Variants in CHD8 observed in about 807,000 individuals in gnomAD.
CHD8 encodes the protein ATP-dependent chromatin remodeler CHD8.
CHD8 carries 31 observed loss-of-function variants against 279.2 expected under a neutral mutation model. That is an observed-to-expected ratio of 0.11 (90% CI 0.08 to 0.15). The LOEUF is 0.15. Ranked by LOEUF, CHD8 falls within the 10% of genes least tolerant of loss-of-function variation. The pLI, the probability that CHD8 is intolerant of heterozygous loss-of-function variation, is 1.00. For missense variants in CHD8, 2,146 were observed against 3,230.5 expected, an observed-to-expected ratio of 0.66 and a Z score of 8.14; for synonymous variants, 1,081 against 1,139.6, an observed-to-expected ratio of 0.95 and a Z score of 1.04.
In CHD8 at chr14:21,393,336, A is replaced by C. The variant is rs1274422953; in HGVS notation, c.6320-82T>G. The C allele has an allele frequency of 1.4e-5, 22 of 1,552,832 alleles. No homozygotes were observed. The East Asian group carries it at 3.6e-4, about 25-fold the overall frequency. ...TAATGGTATTATATGGGCTTTGAAT[A>C]AAGGCCCAAAGAATGGCACTCTTTT... On this transcript the variant is annotated intron_variant, in intron 32 of 37. Coordinates refer to ENST00000646647, the MANE Select transcript of CHD8 (RefSeq NM_001170629.2).
chr14:21,443,855 C>CAAAAAAAA (rs369671712), intron 1 of CHD8, among the ~76,000 whole-genome samples: 1 of 47,218 alleles, frequency 2.1e-5, no homozygotes, highest in African/African-American at 8.0e-5. Context: ...GACTCCGTCT[C>CAAAAAAAA]AAAAAAAAAA....
chr14:21,450,408 A>G (rs1890228880), intron 1 of CHD8, among the ~76,000 whole-genome samples: 1 of 152,218 alleles, frequency 6.6e-6, no homozygotes, highest in Non-Finnish European at 1.5e-5. Context: ...TCCCCAAAGC[A>G]TGTAGTGGAA....
chr14:21,435,899 A>C (rs1394542202), intron 1 of CHD8, among the ~76,000 whole-genome samples: 5 of 152,230 alleles, frequency 3.3e-5, no homozygotes, highest in African/African-American at 1.2e-4. Context: ...GGATGGGATA[A>C]GATTTCCTAT....
At chr14:21,406,069 G>A (rs1888241332) in intron 14 of CHD8, among the ~76,000 whole-genome samples, 1 of 152,008 alleles carries the variant, frequency 6.6e-6, no homozygotes, top group Non-Finnish European at 1.5e-5. Flanking sequence ...AAATCCCTCT[G>A]ACATTAATGT....
chr14:21,396,031 C>T (rs1887767028), intron 27 of CHD8, 139 bp from the exon 28 acceptor site: 2 of 661,684 alleles, frequency 3.0e-6, no homozygotes, highest in South Asian at 3.6e-5. Flanking sequence ...AGGTCTCACT[C>T]TGTCGCCCAG....
rs778167566 is a variant in CHD8, at chr14:21,401,400, C to T, written c.4173+3G>A. ...TACTTCCTCCCTAAAAGAAGAAACT[C>T]ACCTTGCTGTTGAGCAGATCCATGT... On this transcript the variant is annotated splice_donor_region_variant and intron_variant, in intron 21 of 37. Coordinates refer to ENST00000646647, the MANE Select transcript of CHD8 (RefSeq NM_001170629.2). 3.2e-6 allele frequency: 5 copies of T among 1,557,838 alleles called. No individual in the cohort carries two copies. The South Asian group carries it at 4.8e-5, about 15-fold the overall frequency.
chr14:21,400,822 A>G lies in CHD8; in HGVS notation c.4370+53T>C, dbSNP rs1015718558. 2 of 1,491,178 alleles carry G rather than the reference A, an allele frequency of 1.3e-6. No homozygotes were observed. The highest frequency in any genetic ancestry group is 2.8e-5 in the African/African-American group (2 of 71,154). 92.4% of individuals were successfully genotyped at this position (1,491,178 alleles called of 1,614,324 possible). On this transcript the variant is annotated intron_variant, in intron 22 of 37. Coordinates refer to ENST00000646647, the MANE Select transcript of CHD8 (RefSeq NM_001170629.2). The surrounding 1 kb of genome is among the most constrained non-coding windows in gnomAD (Gnocchi z 4.2). ...TTTGAAAGGCAAACCAAGAGTATCT[A>G]TCAGGATGGAGATGCACTATGCACT...
intron 36 of CHD8, 89 bp from the exon 37 acceptor site, chr14:21,391,152 AACAC>A: frequency 1.1e-6 from 1 of 887,254 alleles, no homozygotes; most frequent in Non-Finnish European, 1.8e-6. Flanking sequence ...TTTGATAATA[AACAC>A]TTATTACATA....
chr14:21,449,141 T>C (rs1890199606), intron 1 of CHD8, among the ~76,000 whole-genome samples: 1 of 151,904 alleles, frequency 6.6e-6, no homozygotes, highest in African/African-American at 2.4e-5. Context: ...GCCACTGCAC[T>C]CCAGCCTGGG....
At position 21,403,693 on chromosome 14, in the gene CHD8, G is replaced by T; in HGVS notation, c.3308-30C>A. The T allele has an allele frequency of 6.6e-7, 1 of 1,519,566 alleles. No individual in the cohort carries two copies. The highest frequency in any genetic ancestry group is 9.0e-7 in the Non-Finnish European group (1 of 1,115,738). The allele number at this position is 1,519,566 out of a possible 1,614,324, so 94.1% of individuals were successfully genotyped here. On this transcript the variant is annotated intron_variant, in intron 16 of 37. Coordinates refer to ENST00000646647, the MANE Select transcript of CHD8 (RefSeq NM_001170629.2). This position sits in a 1 kb window ranked among gnomAD's most constrained non-coding sequence, Gnocchi z 4.3. The stretch of plus-strand genomic sequence containing the variant: ...CAAAAGAAAAATCAAATTATGTTGA[G>T]ATCCAGTGAACCATATTAAGGTTGT...
In CHD8 at chr14:21,393,738, C is replaced by T; in HGVS notation, c.6057G>A (p.Leu2019=). ...PEETATQVPS[L]ESLTLKLEHE... The stretch of plus-strand genomic sequence containing the variant: ...GCTCTAGCTTTAAAGTCAGACTCTC[C>T]AGACTGGGGACCTGGGTAGCTGTCT... The change falls in exon 32 of 38, where the codon CTG becomes CTA. Residue 2019 remains leucine (L), a synonymous_variant. Transcript: ENST00000646647. The T allele has an allele frequency of 1.9e-6, 3 of 1,613,854 alleles. No individual in the cohort carries two copies. Among genetic ancestry groups the T allele is most frequent in the Non-Finnish European group, 2.5e-6 (3 of 1,179,826 alleles).
chr14:21,399,884 A>G (rs1442704751), intron 25 of CHD8, 97 bp downstream of exon 25: 9 of 1,132,716 alleles, frequency 7.9e-6, no homozygotes, highest in African/African-American at 1.5e-5. Flanking sequence ...GATTTAAATT[A>G]TCAGGTATCC....
intron 1 of CHD8, among the ~76,000 whole-genome samples, chr14:21,440,087 G>C (rs1889918054): frequency 6.6e-6 from 1 of 152,224 alleles, no homozygotes; most frequent in Non-Finnish European, 1.5e-5. Flanking sequence ...AGAGGGTAAA[G>C]AGTAGGCAGT....
chr14:21,405,189 T>C lies in CHD8; in HGVS notation c.3307+20A>G. On this transcript the variant is annotated intron_variant, in intron 16 of 37. Coordinates refer to ENST00000646647, the MANE Select transcript of CHD8 (RefSeq NM_001170629.2). The surrounding 1 kb of genome is among the most constrained non-coding windows in gnomAD (Gnocchi z 4.2). ...CACAGGTACTACAGAAGTTCAGGTA[T>C]ATACCAAGCATTCCCTCACCATTGA... The C allele has an allele frequency of 6.2e-7, 1 of 1,612,206 alleles. No homozygotes were observed. Among genetic ancestry groups the C allele is most frequent in the Non-Finnish European group, 8.5e-7 (1 of 1,178,584 alleles).
intron 1 of CHD8, 135 bp from the exon 2 acceptor site, chr14:21,431,993 G>A (rs1399771511): frequency 9.5e-6 from 6 of 631,144 alleles, no homozygotes; most frequent in East Asian, 5.5e-5. Flanking sequence ...ATCTGAGGAC[G>A]GACATACAGC....
In CHD8 at chr14:21,408,710, T is replaced by A; in HGVS notation, c.2480A>T (p.Tyr827Phe). The change falls in exon 12 of 38, where the codon TAT (tyrosine) becomes TTT (phenylalanine). Residue 827 changes from tyrosine (Y) to phenylalanine (F), a missense_variant. By Grantham distance (22) the Tyr-to-Phe change is conservative. Coordinates refer to ENST00000646647, the MANE Select transcript of CHD8 (RefSeq NM_001170629.2). The surrounding 1 kb of genome is among the most constrained non-coding windows in gnomAD (Gnocchi z 4.3). ...GGCCCATTCTTTCCTTTACCTGTTA[T>A]ACCAATTAAAGAGCAGCCAATTAAC... ...EGVNWLLFNW[Y>F]NRQNCILADE... is the part of the protein sequence containing the mutation. The A allele has an allele frequency of 6.2e-7, 1 of 1,611,008 alleles. No individual in the cohort carries two copies. Among genetic ancestry groups the A allele is most frequent in the Non-Finnish European group, 8.5e-7 (1 of 1,178,424 alleles).
chr14:21,414,493 TAGTC>T, intron 8 of CHD8, 75 bp from the exon 9 acceptor site: 1 of 771,424 alleles, frequency 1.3e-6, no homozygotes, highest in Non-Finnish European at 2.2e-6. Context: ...ATTTTGGGAT[TAGTC>T]AGAAGCAGAC....
chr14:21,412,884 T>TC lies in CHD8; in HGVS notation c.2226+28dup, dbSNP rs778042465. 60 of 1,372,586 alleles carry TC rather than the reference T, an allele frequency of 4.4e-5. 2 individuals carry two copies. In the South Asian group the frequency reaches 6.6e-4, roughly 15 times the overall value. The allele number at this position is 1,372,586 out of a possible 1,614,324, so 85.0% of individuals were successfully genotyped here. A position where few individuals can be genotyped will look rare whatever the true frequency, so the allele number is the denominator to read the frequency against. ...CACCAGCAGAAATCTAAGAGGATGT[T>TC]CACGTTACTCCATGCCTCAACAACT... On this transcript the variant is annotated intron_variant, in intron 10 of 37. Coordinates refer to ENST00000646647, the MANE Select transcript of CHD8 (RefSeq NM_001170629.2).
Position 21,400,618 on chromosome 14 carries a change from A to G in CHD8, c.4371-6T>C, listed in dbSNP as rs760793055. On this transcript the variant is annotated splice_region_variant and splice_polypyrimidine_tract_variant and intron_variant, in intron 22 of 37. Transcript: ENST00000646647. The surrounding 1 kb of genome is among the most constrained non-coding windows in gnomAD (Gnocchi z 4.2). ...TATCTCGCCATCGTCCCCAACTAAAAAACAGAAAACTATATTAACATTTTT... is the reference window on the plus strand; with the variant it reads ...TATCTCGCCATCGTCCCCAACTAAAGAACAGAAAACTATATTAACATTTTT... 6 of 1,562,740 alleles carry G rather than the reference A, an allele frequency of 3.8e-6. No homozygotes were observed. The highest frequency in any genetic ancestry group is 5.2e-6 in the Non-Finnish European group (6 of 1,162,098).
Sources: allele counts gnomAD v4.1 joint callset (sites outside exome capture counted in the v4.1 genomes callset), GRCh38; gene constraint gnomAD v4.1.1; non-coding constraint Gnocchi (gnomAD v3.1); transcripts MANE v1.5; gene names NCBI Gene and HGNC (gene_info 2026-07-23, HGNC 2026-07-21).